Variants in CACNG3 observed in about 807,000 individuals in gnomAD.
CACNG3 encodes calcium voltage-gated channel auxiliary subunit gamma 3, also known as voltage-dependent calcium channel gamma-3 subunit.
CACNG3 carries 3 observed loss-of-function variants against 28.5 expected under a neutral mutation model. That is an observed-to-expected ratio of 0.11 (90% CI 0.05 to 0.27). CACNG3 has a LOEUF of 0.27. CACNG3 is among the 10% of genes least tolerant of loss of function. The pLI is 1.00. For missense variants in CACNG3, 236 were observed against 414.4 expected (o/e 0.57, Z 3.74); for synonymous variants, 174 against 162.2 (o/e 1.07, Z -0.55).
At chr16:24,351,847 T>C (rs1277731552) in intron 2 of CACNG3, among the ~76,000 whole-genome samples, 2 of 146,626 alleles carry the variant, frequency 1.4e-5, no homozygotes, top group African/African-American at 5.0e-5. Flanking sequence ...TTTTTTTTTT[T>C]TTTTTGAGAC....
rs3060123 is a variant in CACNG3 at position 24,265,501 on chromosome 16, A to AAAAGAAAG, written c.211+8551_211+8558dup. 1.3e-4 allele frequency among the ~76,000 whole-genome samples: 20 copies of AAAAGAAAG among 150,696 alleles called. No individual in the cohort carries two copies. The East Asian group carries it at 1.6e-3, about 12-fold the overall frequency. ...GAGAGAGAAAGAGAAAGAAGGAAAG[A>AAAAGAAAG]AAAGAAAGAAAGAAAGAAAGAAGAA... On this transcript the variant is annotated intron_variant, in intron 1 of 3. Coordinates refer to ENST00000005284, the MANE Select transcript of CACNG3 (RefSeq NM_006539.4).
intron 1 of CACNG3, among the ~76,000 whole-genome samples, chr16:24,302,346 A>T (rs1431053900): frequency 6.6e-6 from 1 of 152,258 alleles, no homozygotes; most frequent in Non-Finnish European, 1.5e-5. Flanking sequence ...TTGGACCAGG[A>T]GTATACAGCG....
intron 1 of CACNG3, among the ~76,000 whole-genome samples, chr16:24,341,597 G>A (rs1367279659): frequency 6.6e-6 from 1 of 152,194 alleles, no homozygotes; most frequent in Non-Finnish European, 1.5e-5. Flanking sequence ...GCAACTCCAT[G>A]AAGTTACTAT....
chr16:24,311,010 G>A (rs537414664), intron 1 of CACNG3, among the ~76,000 whole-genome samples: 1 of 152,170 alleles, frequency 6.6e-6, no homozygotes. Context: ...CCCTGCACCC[G>A]TTTCCATGTT....
chr16:24,350,316 C>CTTT (rs111389260), intron 2 of CACNG3, among the ~76,000 whole-genome samples: 6 of 143,058 alleles, frequency 4.2e-5, no homozygotes, highest in African/African-American at 1.5e-4. Context: ...CAAACATAAA[C>CTTT]TTTTTTTTTT....
intron 1 of CACNG3, among the ~76,000 whole-genome samples, chr16:24,266,905 G>C (rs1898616463): frequency 6.6e-6 from 1 of 152,038 alleles, no homozygotes; most frequent in South Asian, 2.1e-4. Flanking sequence ...AGAGAGAGAG[G>C]ATGGGCCGTG....
intron 1 of CACNG3, among the ~76,000 whole-genome samples, chr16:24,265,802 C>G (rs897646489): frequency 1.3e-5 from 2 of 152,154 alleles, no homozygotes. Flanking sequence ...TATTTCTTGT[C>G]ATTTATATTT....
intron 1 of CACNG3, among the ~76,000 whole-genome samples, chr16:24,289,384 T>TA (rs1309246248): frequency 1.3e-5 from 2 of 152,096 alleles, no homozygotes; most frequent in Non-Finnish European, 2.9e-5. Context: ...TTTTAAACTC[T>TA]AAAAAAAGCA....
intron 1 of CACNG3, among the ~76,000 whole-genome samples, chr16:24,286,194 T>G (rs968970617): frequency 6.6e-6 from 1 of 152,168 alleles, no homozygotes; most frequent in Non-Finnish European, 1.5e-5. Flanking sequence ...CAGTTTTTAT[T>G]GCTGTCATTG....
At chr16:24,315,401 A>C (rs74013177) in intron 1 of CACNG3, among the ~76,000 whole-genome samples, 6,705 of 147,532 alleles carry the variant, frequency 0.045, 170 homozygotes, top group East Asian at 0.11. Flanking sequence ...ACCACCCTCA[A>C]CCTCACCATC....
At chr16:24,339,895 GAA>G (rs1899761014) in intron 1 of CACNG3, among the ~76,000 whole-genome samples, 1 of 152,104 alleles carries the variant, frequency 6.6e-6, no homozygotes, top group Non-Finnish European at 1.5e-5. Flanking sequence ...TGACCTTTAA[GAA>G]AAAGTGTCAG....
chr16:24,259,436 T>C (rs1898510539), intron 1 of CACNG3, among the ~76,000 whole-genome samples: 1 of 152,156 alleles, frequency 6.6e-6, no homozygotes, highest in Non-Finnish European at 1.5e-5. Flanking sequence ...GAACAGTCCT[T>C]TCCCATTCAG....
intron 1 of CACNG3, among the ~76,000 whole-genome samples, chr16:24,341,182 A>G (rs542920222): frequency 2.0e-5 from 3 of 152,390 alleles, no homozygotes; most frequent in African/African-American, 7.2e-5. Context: ...CAGGGGAAAA[A>G]AAGCCTGGAA....
intron 1 of CACNG3, among the ~76,000 whole-genome samples, chr16:24,279,234 T>C (rs1483174554): frequency 6.6e-6 from 1 of 152,122 alleles, no homozygotes; most frequent in East Asian, 1.9e-4. Flanking sequence ...AGGTTTTCAT[T>C]TTTGAGGCTC....
At chr16:24,258,435 A>C (rs917383456) in intron 1 of CACNG3, among the ~76,000 whole-genome samples, 1 of 152,206 alleles carries the variant, frequency 6.6e-6, no homozygotes, top group Non-Finnish European at 1.5e-5. Context: ...GCCTTGGTTA[A>C]GACATTTACC....
intron 1 of CACNG3, among the ~76,000 whole-genome samples, chr16:24,313,594 C>A (rs1437777229): frequency 6.6e-6 from 1 of 152,226 alleles, no homozygotes; most frequent in Non-Finnish European, 1.5e-5. Flanking sequence ...ATTCTCCTGG[C>A]TCAGCCTCCT....
At chr16:24,309,175 A>G (rs1022372927) in intron 1 of CACNG3, among the ~76,000 whole-genome samples, 1 of 152,224 alleles carries the variant, frequency 6.6e-6, no homozygotes, top group Admixed American at 6.5e-5. Flanking sequence ...GAACAAAGAG[A>G]TAAGGACTAA....
In CACNG3 at chr16:24,361,767, G is replaced by A; in HGVS notation, c.852G>A (p.Arg284=). The change falls in exon 4 of 4, where the codon CGG becomes CGA. Residue 284 remains arginine (R), a synonymous_variant. Transcript: ENST00000005284. This position sits in a 1 kb window ranked among gnomAD's most constrained non-coding sequence, Gnocchi z 6.8. ...TGGGGACCCTCCTCAACTCCGACCGGGACCACGCTTTTCTACAGTTCCACA... is the reference window on the plus strand; with the variant it reads ...TGGGGACCCTCCTCAACTCCGACCGAGACCACGCTTTTCTACAGTTCCACA... ...ITMGTLLNSD[R]DHAFLQFHNS... 1 of 1,613,910 alleles carries A rather than the reference G, an allele frequency of 6.2e-7. No individual in the cohort carries two copies. The highest frequency in any genetic ancestry group is 1.6e-4 in the Middle Eastern group (1 of 6,062).
At chr16:24,316,187 T>C (rs1221421969) in intron 1 of CACNG3, among the ~76,000 whole-genome samples, 3 of 137,938 alleles carry the variant, frequency 2.2e-5, no homozygotes, top group Admixed American at 1.5e-4. Flanking sequence ...ATCCCTGCTT[T>C]GGGGGACTCT....
Sources: allele counts gnomAD v4.1 joint callset (sites outside exome capture counted in the v4.1 genomes callset), GRCh38; gene constraint gnomAD v4.1.1; non-coding constraint Gnocchi (gnomAD v3.1); transcripts MANE v1.5; gene names NCBI Gene and HGNC (gene_info 2026-07-23, HGNC 2026-07-21).